The following NSMCE2 variants were observed in gnomAD, a reference collection of about 807,000 sequenced individuals.
The protein encoded by NSMCE2 is E3 SUMO-protein ligase NSE2.
NSMCE2 carries 24 observed loss-of-function variants against 23.8 expected under a neutral mutation model. The ratio of observed to expected loss-of-function variants is 1.01; its 90% CI spans 0.73 to 1.42. NSMCE2 has a LOEUF of 1.42. Among genes scored for constraint, NSMCE2 ranks in the 40% most tolerant of loss-of-function variants. The pLI, the probability that NSMCE2 is intolerant of heterozygous loss-of-function variation, is 0.00. For synonymous variants in NSMCE2, 92 were observed against 94.1 expected, an observed-to-expected ratio of 0.98 and a Z score of 0.13; for missense variants, 284 against 296.5, an observed-to-expected ratio of 0.96 and a Z score of 0.31.
chr8:125,193,582 T>C (rs548598031), intron 5 of NSMCE2, among the ~76,000 whole-genome samples: 6 of 152,360 alleles, frequency 3.9e-5, no homozygotes, highest in East Asian at 1.9e-4. Context: ...ATAAAGAGTC[T>C]ATATAGTTTT....
At chr8:125,154,511 TA>T (rs56201104) in intron 4 of NSMCE2, among the ~76,000 whole-genome samples, 1,367 of 124,006 alleles carry the variant, frequency 0.011, 8 homozygotes, top group African/African-American at 0.023. Context: ...CTCTGAAAGT[TA>T]AAAAAAAAAA....
intron 5 of NSMCE2, among the ~76,000 whole-genome samples, chr8:125,211,256 G>A (rs1307129998): frequency 1.3e-5 from 2 of 152,160 alleles, no homozygotes; most frequent in Non-Finnish European, 2.9e-5. Context: ...ATGGTGAAAA[G>A]TGGGCCTCTG....
chr8:125,145,778 C>G (rs995343602), intron 3 of NSMCE2, among the ~76,000 whole-genome samples: 1 of 152,162 alleles, frequency 6.6e-6, no homozygotes, highest in Non-Finnish European at 1.5e-5. Flanking sequence ...ACATTTCTCT[C>G]CTGCTGCTCT....
At chr8:125,338,543 T>A (rs1329042069) in intron 5 of NSMCE2, among the ~76,000 whole-genome samples, 1 of 152,240 alleles carries the variant, frequency 6.6e-6, no homozygotes, top group African/African-American at 2.4e-5. Context: ...GGTCCTTTTC[T>A]GAATTTCGTT....
intron 5 of NSMCE2, among the ~76,000 whole-genome samples, chr8:125,209,764 G>A (rs527982200): frequency 3.9e-5 from 6 of 152,266 alleles, no homozygotes; most frequent in African/African-American, 1.4e-4. Context: ...GAATTCTAGA[G>A]AATTCTTTAG....
chr8:125,276,859 T>A (rs894764178), intron 5 of NSMCE2, among the ~76,000 whole-genome samples: 1 of 152,244 alleles, frequency 6.6e-6, no homozygotes, highest in African/African-American at 2.4e-5. Context: ...CCATCTCTTC[T>A]GGAAAGCCTT....
At chr8:125,176,799 T>A (rs896011987) in intron 4 of NSMCE2, among the ~76,000 whole-genome samples, 3 of 152,230 alleles carry the variant, frequency 2.0e-5, no homozygotes, top group African/African-American at 7.2e-5. Flanking sequence ...AAGCCTGGGC[T>A]TGCCTTCTTA....
At chr8:125,162,777 A>T (rs1821691276) in intron 4 of NSMCE2, among the ~76,000 whole-genome samples, 1 of 152,222 alleles carries the variant, frequency 6.6e-6, no homozygotes, top group South Asian at 2.1e-4. Context: ...TAAACCACCT[A>T]AACTTGGAAT....
At chr8:125,137,027 G>A (rs1428398798) in intron 3 of NSMCE2, among the ~76,000 whole-genome samples, 1 of 151,832 alleles carries the variant, frequency 6.6e-6, no homozygotes, top group Admixed American at 6.6e-5. Context: ...ATTTTTTGGT[G>A]GTGTCAGTGA....
At chr8:125,343,549 G>A (rs1263724690) in intron 5 of NSMCE2, among the ~76,000 whole-genome samples, 1 of 152,130 alleles carries the variant, frequency 6.6e-6, no homozygotes, top group Non-Finnish European at 1.5e-5. Context: ...TGAGGTAGGA[G>A]GATTGCTTGA....
At chr8:125,227,377 G>T (rs1381731267) in intron 5 of NSMCE2, among the ~76,000 whole-genome samples, 1 of 152,168 alleles carries the variant, frequency 6.6e-6, no homozygotes, top group Admixed American at 6.5e-5. Flanking sequence ...TGTCAGTAGC[G>T]TGACTGCAGC....
At chr8:125,320,308 GGGAAGGGAAGGAAGGGAA>G (rs1394216246) in intron 5 of NSMCE2, among the ~76,000 whole-genome samples, 1 of 114,072 alleles carries the variant, frequency 8.8e-6, no homozygotes, top group Non-Finnish European at 1.8e-5. Context: ...AAGGAAGGAA[GGGAAGGGAAGGAAGGGAA>G]GGAAGGCAGG....
chr8:125,320,721 A>G (rs1189100410), intron 5 of NSMCE2, among the ~76,000 whole-genome samples: 1 of 152,226 alleles, frequency 6.6e-6, no homozygotes, highest in African/African-American at 2.4e-5. Context: ...ATCACCAACA[A>G]ACCTGCATTA....
intron 5 of NSMCE2, among the ~76,000 whole-genome samples, chr8:125,309,071 C>G (rs746334529): frequency 3.1e-4 from 47 of 151,922 alleles, no homozygotes; most frequent in Non-Finnish European, 5.4e-4. Flanking sequence ...ATGGAGAAAC[C>G]CTGTCTCTAC....
At chr8:125,201,851 A>G (rs1037008379) in intron 5 of NSMCE2, among the ~76,000 whole-genome samples, 2 of 152,232 alleles carry the variant, frequency 1.3e-5, no homozygotes, top group East Asian at 1.9e-4. Context: ...GGCTCCCCCA[A>G]GTTCAAGCTT....
intron 4 of NSMCE2, among the ~76,000 whole-genome samples, chr8:125,181,100 G>A (rs1822782278): frequency 2.0e-5 from 3 of 152,190 alleles, no homozygotes; most frequent in Admixed American, 2.0e-4. Context: ...CGATTATGAA[G>A]GCCTGATGGA....
chr8:125,192,100 A>C (rs1489863666), intron 5 of NSMCE2, among the ~76,000 whole-genome samples: 3 of 152,172 alleles, frequency 2.0e-5, no homozygotes, highest in African/African-American at 7.2e-5. Flanking sequence ...ACTTATTTTA[A>C]GAGAGTATGA....
chr8:125,169,684 T>A (rs1822075822), intron 4 of NSMCE2, among the ~76,000 whole-genome samples: 1 of 152,234 alleles, frequency 6.6e-6, no homozygotes, highest in Admixed American at 6.5e-5. Context: ...TCTTCTCCTA[T>A]ATTTCTTATC....
At chr8:125,128,128 A>G (rs1454993111) in intron 3 of NSMCE2, among the ~76,000 whole-genome samples, 15 of 152,194 alleles carry the variant, frequency 9.9e-5, no homozygotes, top group Admixed American at 9.8e-4. Flanking sequence ...GGGCCAGACT[A>G]GTGGTAGTAG....
Sources: allele counts gnomAD v4.1 joint callset (sites outside exome capture counted in the v4.1 genomes callset), GRCh38; gene constraint gnomAD v4.1.1; transcripts MANE v1.5; gene names NCBI Gene and HGNC (gene_info 2026-07-23, HGNC 2026-07-21).